The following STK24 variants were observed in gnomAD, a reference collection of about 807,000 sequenced individuals.
The protein encoded by STK24 is serine/threonine-protein kinase 24.
Under a neutral mutation model 55.6 loss-of-function variants are expected in STK24, and 21 were observed. The ratio of observed to expected loss-of-function variants is 0.38; its 90% CI spans 0.27 to 0.54. STK24 has a LOEUF of 0.54. Ranked by LOEUF, STK24 falls within the 20% of genes least tolerant of loss-of-function variation. STK24 has a pLI of 0.79. For synonymous variants in STK24, 200 were observed against 215.2 expected (o/e 0.93, Z 0.62); for missense variants, 383 against 538.4 (o/e 0.71, Z 2.86).
Position 98,446,071 on chromosome 13 carries a change from C to CAAACTGA in STK24, c.*7101_*7102insTCAGTTT, listed in dbSNP as rs754160917. ...CCTCCTGGGGCAGGTGCCCGCTGTGCTTCTCACAGGCCTCCTTGCCTTTCA... is the reference window on the plus strand; with the variant it reads ...CCTCCTGGGGCAGGTGCCCGCTGTGCAAACTGATTCTCACAGGCCTCCTTGCCTTTCA... On this transcript the variant is annotated 3_prime_UTR_variant, in exon 11 of 11. Coordinates refer to ENST00000539966, the MANE Select transcript of STK24 (RefSeq NM_001032296.4). 6.6e-7 allele frequency: 1 copy of CAAACTGA among 1,520,812 alleles called. No individual in the cohort carries two copies. The highest frequency in any genetic ancestry group is 1.1e-5 in the South Asian group (1 of 88,988). The allele number at this position is 1,520,812 out of a possible 1,614,324, so 94.2% of individuals were successfully genotyped here. A position where few individuals can be genotyped will look rare whatever the true frequency, so the allele number is the denominator to read the frequency against.
At chr13:98,494,892 G>C (rs1446183478) in intron 2 of STK24, among the ~76,000 whole-genome samples, 3 of 152,312 alleles carry the variant, frequency 2.0e-5, no homozygotes, top group East Asian at 3.9e-4. Flanking sequence ...AAGGGTCTGC[G>C]ACCCATGGAG....
chr13:98,554,569 T>C (rs550208690), intron 1 of STK24, among the ~76,000 whole-genome samples: 19 of 152,288 alleles, frequency 1.2e-4, no homozygotes, highest in Admixed American at 8.5e-4. Flanking sequence ...CTCATCCTTG[T>C]TATCTGAGCA....
chr13:98,517,235 T>C (rs1054692051), intron 2 of STK24, among the ~76,000 whole-genome samples: 3 of 152,252 alleles, frequency 2.0e-5, no homozygotes, highest in Non-Finnish European at 4.4e-5. Context: ...CTGAATTTAC[T>C]AGAACACTAC....
At chr13:98,518,756 C>T (rs1896159926) in intron 2 of STK24, among the ~76,000 whole-genome samples, 1 of 152,122 alleles carries the variant, frequency 6.6e-6, no homozygotes, top group Non-Finnish European at 1.5e-5. Flanking sequence ...AAGTAATTAC[C>T]AATTTGCCTA....
Position 98,519,215 on chromosome 13 carries a change from C to T in STK24, c.273+28G>A, listed in dbSNP as rs376521595. On this transcript the variant is annotated intron_variant, in intron 2 of 10. Transcript: ENST00000539966. ...GGCACCTCAGCCAAGTGCTGCAGAA[C>T]GGAGAAGCACGTTATTTTAAGCCTT... 2.6e-5 allele frequency: 42 copies of T among 1,588,294 alleles called. 1 individual carries two copies. Among genetic ancestry groups the T allele is most frequent in the Admixed American group, 1.0e-4 (6 of 59,944 alleles).
chr13:98,557,770 T>A (rs1421668228), intron 1 of STK24, among the ~76,000 whole-genome samples: 5 of 152,264 alleles, frequency 3.3e-5, no homozygotes, highest in Admixed American at 3.3e-4. Context: ...CCTGATATGA[T>A]CTGGTCCTGG....
chr13:98,524,525 C>CA, intron 1 of STK24, among the ~76,000 whole-genome samples: 1 of 152,316 alleles, frequency 6.6e-6, no homozygotes, highest in Non-Finnish European at 1.5e-5. Flanking sequence ...ACCCAGGCCC[C>CA]AGACACTCTC....
chr13:98,460,270 C>T (rs1893644830), intron 9 of STK24, 102 bp downstream of exon 9: 1 of 1,133,482 alleles, frequency 8.8e-7, no homozygotes, highest in African/African-American at 1.5e-5. Flanking sequence ...GCCAGCTTGT[C>T]TTAATGTCCC....
At chr13:98,493,635 A>G (rs1384751549) in intron 2 of STK24, among the ~76,000 whole-genome samples, 2 of 152,144 alleles carry the variant, frequency 1.3e-5, no homozygotes, top group African/African-American at 4.8e-5. Flanking sequence ...GAGTATTTCT[A>G]ATAATTACAA....
At chr13:98,524,676 A>T (rs1423723765) in intron 1 of STK24, among the ~76,000 whole-genome samples, 2 of 152,204 alleles carry the variant, frequency 1.3e-5, no homozygotes, top group African/African-American at 4.8e-5. Flanking sequence ...TTTCTTATAC[A>T]ACAACAGATA....
At chr13:98,488,322 G>A (rs1449722569) in intron 2 of STK24, among the ~76,000 whole-genome samples, 1 of 152,142 alleles carries the variant, frequency 6.6e-6, no homozygotes, top group Non-Finnish European at 1.5e-5. Flanking sequence ...ACGAATTCCT[G>A]CTGAAGGCTC....
At chr13:98,527,520 G>A (rs1160892750) in intron 1 of STK24, among the ~76,000 whole-genome samples, 1 of 152,216 alleles carries the variant, frequency 6.6e-6, no homozygotes, top group Non-Finnish European at 1.5e-5. Context: ...GAGCATCCGA[G>A]GGAGCCCTGA....
At chr13:98,525,281 C>T (rs1896392894) in intron 1 of STK24, among the ~76,000 whole-genome samples, 1 of 152,234 alleles carries the variant, frequency 6.6e-6, no homozygotes, top group East Asian at 1.9e-4. Context: ...AACTAAGCAC[C>T]GGCTATGGCC....
At chr13:98,479,994 C>A (rs1194330711) in intron 3 of STK24, among the ~76,000 whole-genome samples, 1 of 152,188 alleles carries the variant, frequency 6.6e-6, no homozygotes, top group Non-Finnish European at 1.5e-5. Flanking sequence ...TGGGACCCTT[C>A]AACCCTGAAG....
intron 9 of STK24, among the ~76,000 whole-genome samples, chr13:98,459,509 T>TGGCAGGACCGTGGCTGGCCA (rs1342662856): frequency 1.9e-4 from 29 of 152,324 alleles, no homozygotes; most frequent in African/African-American, 7.0e-4. Flanking sequence ...GAAGAGGCAC[T>TGGCAGGACCGTGGCTGGCCA]GGCAGGACCG....
intron 1 of STK24, among the ~76,000 whole-genome samples, chr13:98,521,341 G>A (rs1896253765): frequency 6.6e-6 from 1 of 152,148 alleles, no homozygotes; most frequent in South Asian, 2.1e-4. Context: ...TCTTATGACG[G>A]TCATACTTAG....
intron 1 of STK24, among the ~76,000 whole-genome samples, chr13:98,549,751 T>A (rs1594661922): frequency 6.6e-6 from 1 of 152,194 alleles, no homozygotes; most frequent in South Asian, 2.1e-4. Flanking sequence ...CCTTTATAAA[T>A]TGCTTTATAG....
intron 1 of STK24, among the ~76,000 whole-genome samples, chr13:98,533,189 G>A (rs1043393069): frequency 1.3e-5 from 2 of 151,968 alleles, no homozygotes; most frequent in African/African-American, 4.8e-5. Flanking sequence ...GACTAACCTA[G>A]CCAACATGGT....
At chr13:98,498,886 T>C (rs537233980) in intron 2 of STK24, among the ~76,000 whole-genome samples, 2 of 152,334 alleles carry the variant, frequency 1.3e-5, no homozygotes, top group South Asian at 4.1e-4. Context: ...AAAAATGTTC[T>C]GGTAACTCTG....
Sources: gnomAD v4.1 joint callset for allele counts (sites outside exome capture counted in the v4.1 genomes callset) on GRCh38, gnomAD v4.1.1 for gene constraint, MANE v1.5 for transcripts, NCBI Gene and HGNC (gene_info 2026-07-23, HGNC 2026-07-21) for gene names.